KAZN: variants seen among roughly 807,000 people sequenced by gnomAD.
The protein encoded by KAZN is kazrin, periplakin interacting protein.
In KAZN, 40 loss-of-function variants were observed where a neutral mutation model predicts 87.4. The observed-to-expected ratio is 0.46, with a 90% CI of 0.36 to 0.60. The LOEUF (loss-of-function observed/expected upper bound fraction) is 0.60. Ranked by LOEUF, KAZN falls within the 20% of genes least tolerant of loss-of-function variation. The pLI is 0.00. For synonymous variants in KAZN, 466 were observed against 458.3 expected (o/e 1.02, Z -0.22); for missense variants, 898 against 1,073.9 (o/e 0.84, Z 2.29).
intron 2 of KAZN, among the ~76,000 whole-genome samples, chr1:15,012,223 C>G (rs1669645999): frequency 6.6e-6 from 1 of 152,130 alleles, no homozygotes; most frequent in African/African-American, 2.4e-5. Flanking sequence ...GGACTTGAAC[C>G]TAGGTGGCCA....
rs1001607364 is a variant in KAZN at position 14,521,469 on chromosome 1, G to A, written c.250-77514G>A. Reference sequence around the variant, plus strand: ...GCTTTATGAACTCAGGATTAAATCAGGCCAGGCCTTTCTGTGAAATGTGAA... The same window carrying A: ...GCTTTATGAACTCAGGATTAAATCAAGCCAGGCCTTTCTGTGAAATGTGAA... On this transcript the variant is annotated intron_variant, in intron 2 of 16. Coordinates refer to the KAZN transcript ENST00000636203. Among the ~76,000 whole-genome samples the A allele has an allele frequency of 2.4e-4, 37 of 152,294 alleles. No individual in the cohort carries two copies. The East Asian group carries it at 2.5e-3, about 10-fold the overall frequency.
rs140734720 is a variant in KAZN, at chr1:14,960,734, C to A, written c.277C>A (p.Arg93=). The part of the protein sequence containing the change: ...SRLQEEVHLL[R]QMKEMLAKDL... ...GCTCCAGGAGGAAGTTCACCTTCTC[C>A]GGCAGATGAAGGAGATGTTGGCGAA... Residue 93 remains arginine (R), a synonymous_variant, in exon 2 of 15, where the codon CGG becomes AGG. Coordinates refer to ENST00000376030, the MANE Select transcript of KAZN (RefSeq NM_201628.3). The A allele has an allele frequency of 1.8e-4, 293 of 1,589,818 alleles. No individual in the cohort carries two copies. In the Middle Eastern group the frequency reaches 2.2e-3, roughly 12 times the overall value.
At chr1:14,250,264 G>A (rs751941378) in intron 2 of KAZN, among the ~76,000 whole-genome samples, 4 of 151,948 alleles carry the variant, frequency 2.6e-5, no homozygotes, top group Admixed American at 6.6e-5. Flanking sequence ...TAATCATTAC[G>A]TTTTACTCAA....
At chr1:14,098,438 A>T (rs142437744) in intron 1 of KAZN, among the ~76,000 whole-genome samples, 1 of 152,266 alleles carries the variant, frequency 6.6e-6, no homozygotes, top group East Asian at 1.9e-4. Context: ...ATGCTCCTTT[A>T]TGCTGGAGCT....
At chr1:14,222,646 C>T (rs758801473) in intron 2 of KAZN, among the ~76,000 whole-genome samples, 1 of 152,082 alleles carries the variant, frequency 6.6e-6, no homozygotes, top group African/African-American at 2.4e-5. Context: ...AGTCTCCATA[C>T]CAAAAATTAA....
At chr1:14,223,989 C>A (rs1647172433) in intron 2 of KAZN, among the ~76,000 whole-genome samples, 1 of 152,186 alleles carries the variant, frequency 6.6e-6, no homozygotes, top group South Asian at 2.1e-4. Context: ...AGTTCACGAT[C>A]GTCAGGGCAC....
intron 1 of KAZN, among the ~76,000 whole-genome samples, chr1:14,838,341 C>T (rs896690875): frequency 2.6e-5 from 4 of 152,134 alleles, no homozygotes; most frequent in African/African-American, 7.2e-5. Flanking sequence ...CATAGCAGCA[C>T]GTCTGAATGT....
intron 2 of KAZN, among the ~76,000 whole-genome samples, chr1:14,582,692 G>A (rs1675627247): frequency 6.6e-6 from 1 of 152,216 alleles, no homozygotes. Context: ...ACTTGGAAAA[G>A]AGATTTGAGA....
intron 1 of KAZN, among the ~76,000 whole-genome samples, chr1:14,041,412 C>G (rs1641834854): frequency 6.6e-6 from 1 of 152,098 alleles, no homozygotes; most frequent in South Asian, 2.1e-4. Context: ...TTCATTTTCC[C>G]ATTTCCTGGA....
At chr1:13,911,264 G>C in intron 1 of KAZN, among the ~76,000 whole-genome samples, 1 of 152,180 alleles carries the variant, frequency 6.6e-6, no homozygotes, top group East Asian at 1.9e-4. Flanking sequence ...GGCCAGGCTG[G>C]TCTCGATTTC....
At chr1:14,294,000 C>T (rs930817298) in intron 2 of KAZN, among the ~76,000 whole-genome samples, 5 of 152,162 alleles carry the variant, frequency 3.3e-5, no homozygotes, top group African/African-American at 1.2e-4. Flanking sequence ...GCTCTCAGTG[C>T]ATTACATGAA....
intron 1 of KAZN, among the ~76,000 whole-genome samples, chr1:14,956,814 G>A (rs570565602): frequency 3.9e-4 from 60 of 152,132 alleles, no homozygotes; most frequent in Non-Finnish European, 6.8e-4. Flanking sequence ...GAGACAGTGA[G>A]CTGAGGTGGG....
At chr1:14,225,058 G>A (rs1380180924) in intron 2 of KAZN, among the ~76,000 whole-genome samples, 2 of 151,850 alleles carry the variant, frequency 1.3e-5, no homozygotes, top group Non-Finnish European at 2.9e-5. Flanking sequence ...AGAGCAATCA[G>A]GCAAAAGAAA....
At chr1:14,962,469 A>C (rs1452571203) in intron 2 of KAZN, among the ~76,000 whole-genome samples, 4 of 152,156 alleles carry the variant, frequency 2.6e-5, no homozygotes, top group Non-Finnish European at 5.9e-5. Flanking sequence ...TCCTCTATGC[A>C]GCCACCCGGC....
intron 1 of KAZN, among the ~76,000 whole-genome samples, chr1:14,053,417 G>T (rs1234401241): frequency 6.6e-6 from 1 of 152,172 alleles, no homozygotes; most frequent in East Asian, 1.9e-4. Context: ...CTGGACTCCT[G>T]ACCTACAGAA....
intron 2 of KAZN, chr1:14,180,684 C>T: frequency 2.2e-6 from 2 of 920,380 alleles, no homozygotes; most frequent in South Asian, 3.7e-5. Flanking sequence ...AACTACCACA[C>T]CTATTGAAAC....
At chr1:14,633,659 C>A (rs1458390713) in intron 1 of KAZN, among the ~76,000 whole-genome samples, 3 of 152,178 alleles carry the variant, frequency 2.0e-5, no homozygotes, top group Admixed American at 2.0e-4. Flanking sequence ...AGGAAACTTA[C>A]ACAGCCATTC....
chr1:14,918,729 T>G (rs540500723), intron 1 of KAZN, among the ~76,000 whole-genome samples: 1 of 57,606 alleles, frequency 1.7e-5, no homozygotes, highest in Non-Finnish European at 3.9e-5. Flanking sequence ...TATATATATA[T>G]ATATATATAT....
intron 1 of KAZN, among the ~76,000 whole-genome samples, chr1:13,899,289 G>A (rs1488951821): frequency 1.3e-5 from 2 of 152,186 alleles, no homozygotes; most frequent in Non-Finnish European, 2.9e-5. Flanking sequence ...TCCTCAGAAG[G>A]CAAGTGAAAT....
Sources: gnomAD v4.1 joint callset for allele counts (sites outside exome capture counted in the v4.1 genomes callset) on GRCh38, gnomAD v4.1.1 for gene constraint, MANE v1.5 for transcripts, NCBI Gene and HGNC (gene_info 2026-07-23, HGNC 2026-07-21) for gene names.